Variants in TYW1 observed in about 807,000 individuals in gnomAD.
TYW1 encodes tRNA-yW synthesizing protein 1 homolog, also known as S-adenosyl-L-methionine-dependent tRNA 4-demethylwyosine synthase TYW1.
TYW1 carries 46 observed loss-of-function variants against 96.2 expected under a neutral mutation model. That is an observed-to-expected ratio of 0.48 (90% confidence interval 0.38 to 0.61). TYW1 has a LOEUF of 0.61. Among genes scored for constraint, TYW1 ranks in the 20% least tolerant of loss-of-function variants. The pLI, the probability that TYW1 is intolerant of heterozygous loss-of-function variation, is 0.00. For missense variants in TYW1, 684 were observed against 909.6 expected (o/e 0.75, Z 3.19); for synonymous variants, 274 against 323.0 (o/e 0.85, Z 1.63).
chr7:67,207,693 TGGAGA>T (rs1800854955), intron 15 of TYW1, among the ~76,000 whole-genome samples: 3 of 144,498 alleles, frequency 2.1e-5, no homozygotes, highest in Admixed American at 6.9e-5. Flanking sequence ...TTTTTTTTTT[TGGAGA>T]TGGAGTCATT....
At chr7:67,173,470 T>C (rs1418571778) in intron 13 of TYW1, among the ~76,000 whole-genome samples, 1 of 152,250 alleles carries the variant, frequency 6.6e-6, no homozygotes, top group Non-Finnish European at 1.5e-5. Flanking sequence ...GAATACTTAA[T>C]AATTGTTGCT....
chr7:67,208,121 A>G (rs904054436), intron 15 of TYW1, among the ~76,000 whole-genome samples: 3 of 151,516 alleles, frequency 2.0e-5, no homozygotes, highest in African/African-American at 7.3e-5. Flanking sequence ...TGAGGCCAGG[A>G]GTTTGAGACT....
At chr7:67,025,564 T>C (rs1177410893) in intron 7 of TYW1, among the ~76,000 whole-genome samples, 3 of 152,054 alleles carry the variant, frequency 2.0e-5, no homozygotes, top group African/African-American at 4.8e-5. Context: ...TAAATTTGCT[T>C]CTCTGCTGTA....
intron 11 of TYW1, among the ~76,000 whole-genome samples, chr7:67,088,960 G>A (rs539736570): frequency 1.6e-3 from 238 of 152,262 alleles, no homozygotes; most frequent in African/African-American, 5.4e-3. Flanking sequence ...TGTATAAATG[G>A]CAATTATAGT....
At chr7:67,151,589 T>C (rs1431986093) in intron 13 of TYW1, among the ~76,000 whole-genome samples, 1 of 152,104 alleles carries the variant, frequency 6.6e-6, no homozygotes, top group Admixed American at 6.6e-5. Flanking sequence ...GAGGAATATA[T>C]CTACAAGCAG....
At chr7:67,205,389 G>GT (rs1800755916) in intron 15 of TYW1, among the ~76,000 whole-genome samples, 1 of 132,274 alleles carries the variant, frequency 7.6e-6, no homozygotes, top group African/African-American at 2.9e-5. Flanking sequence ...ATGGAGGCGG[G>GT]GGGGGGGCCT....
chr7:67,079,746 C>G (rs2687008), intron 10 of TYW1, among the ~76,000 whole-genome samples: 2,115 of 152,204 alleles, frequency 0.014, 20 homozygotes, highest in Middle Eastern at 0.024. Flanking sequence ...AAACTTCCCT[C>G]TTAGTACTGC....
chr7:67,036,180 A>T (rs963986712), intron 7 of TYW1, among the ~76,000 whole-genome samples: 1 of 149,948 alleles, frequency 6.7e-6, no homozygotes, highest in African/African-American at 2.4e-5. Flanking sequence ...GGCTCCAGGG[A>T]ATAGACATTT....
chr7:67,188,829 C>T (rs1216824147), intron 14 of TYW1, among the ~76,000 whole-genome samples: 1 of 152,096 alleles, frequency 6.6e-6, no homozygotes, highest in South Asian at 2.1e-4. Flanking sequence ...CACAGATATG[C>T]CTGGAGCTCC....
chr7:67,020,028 GC>G (rs1794190570), intron 6 of TYW1, among the ~76,000 whole-genome samples: 1 of 152,258 alleles, frequency 6.6e-6, no homozygotes, highest in Non-Finnish European at 1.5e-5. Context: ...AGCTATGACT[GC>G]AATGAAATTG....
Position 67,083,547 on chromosome 7 carries a change from T to C in TYW1, c.1384+8T>C, listed in dbSNP as rs766655073. The stretch of plus-strand genomic sequence containing the variant: ...TGATTAAGCAGTTTAAAGGTATTTA[T>C]CTTCCCTCTACAAAGGAATGCTAAT... On this transcript the variant is annotated splice_region_variant and intron_variant, in intron 11 of 15. Transcript: ENST00000359626. The C allele has an allele frequency of 6.2e-7, 1 of 1,614,000 alleles. No individual in the cohort carries two copies. The highest frequency in any genetic ancestry group is 1.1e-5 in the South Asian group (1 of 91,074).
intron 15 of TYW1, among the ~76,000 whole-genome samples, chr7:67,215,364 T>C (rs969253563): frequency 3.2e-4 from 48 of 152,280 alleles, no homozygotes; most frequent in Admixed American, 9.2e-4. Context: ...TTCCCTTTGA[T>C]CCAGTTGAGT....
chr7:67,119,423 A>T (rs1797696135), intron 13 of TYW1, among the ~76,000 whole-genome samples: 1 of 152,038 alleles, frequency 6.6e-6, no homozygotes, highest in African/African-American at 2.4e-5. Context: ...TTTTCACCGT[A>T]TTCCCCAGGA....
intron 1 of TYW1, among the ~76,000 whole-genome samples, chr7:66,997,733 G>C (rs1793234001): frequency 6.9e-6 from 1 of 144,700 alleles, no homozygotes; most frequent in African/African-American, 2.6e-5. Context: ...GGTTCAAACA[G>C]TTCTCCTGCC....
intron 7 of TYW1, among the ~76,000 whole-genome samples, chr7:67,032,669 C>T (rs1189340969): frequency 1.3e-5 from 2 of 151,900 alleles, no homozygotes; most frequent in Non-Finnish European, 2.9e-5. Context: ...TCACTGCTGT[C>T]ATAGAGGTCT....
At chr7:67,140,638 T>G (rs1798420357) in intron 13 of TYW1, among the ~76,000 whole-genome samples, 1 of 152,192 alleles carries the variant, frequency 6.6e-6, no homozygotes, top group Admixed American at 6.5e-5. Context: ...AAGTAAGTAC[T>G]CTCATACACC....
At chr7:67,006,948 C>CTGTTTTTTTTT (rs1793614563) in intron 3 of TYW1, among the ~76,000 whole-genome samples, 2 of 45,118 alleles carry the variant, frequency 4.4e-5, no homozygotes, top group African/African-American at 1.0e-4. Flanking sequence ...AGATGTGAGG[C>CTGTTTTTTTTT]TTTTTTTTTT....
rs1371821618 is a variant in TYW1, at chr7:66,996,897, G to A, written c.-82G>A. On this transcript the variant is annotated 5_prime_UTR_variant, in exon 1 of 16. An upstream open reading frame in the 5' UTR loses its in-frame stop. Transcript: ENST00000359626. Reference sequence around the variant, plus strand: ...GGTACGCCGCTAACGCGGCGAGGTAGCTCGGTGCGTCTCGCGGTACCAGTG... The same window carrying A: ...GGTACGCCGCTAACGCGGCGAGGTAACTCGGTGCGTCTCGCGGTACCAGTG... The A allele has an allele frequency of 1.9e-6, 3 of 1,607,022 alleles. No individual in the cohort carries two copies. In the African/African-American group the frequency reaches 4.0e-5, roughly 21 times the overall value.
At chr7:66,999,348 A>G (rs1793298950) in intron 3 of TYW1, among the ~76,000 whole-genome samples, 1 of 152,030 alleles carries the variant, frequency 6.6e-6, no homozygotes, top group South Asian at 2.1e-4. Flanking sequence ...TCACACATCT[A>G]TGTTTATTTT....
Sources: gnomAD v4.1 joint callset for allele counts (sites outside exome capture counted in the v4.1 genomes callset) on GRCh38, gnomAD v4.1.1 for gene constraint, MANE v1.5 for transcripts, NCBI Gene and HGNC (gene_info 2026-07-23, HGNC 2026-07-21) for gene names.